The following LYPLAL1 variants were observed in gnomAD, a reference collection of about 807,000 sequenced individuals.
LYPLAL1 encodes lysophospholipase like 1.
LYPLAL1 carries 23 observed loss-of-function variants against 19.7 expected under a neutral mutation model. The ratio of observed to expected loss-of-function variants is 1.17; its 90% CI spans 0.84 to 1.65. The LOEUF is 1.65. Ranked by LOEUF, LYPLAL1 falls within the 40% of genes most tolerant of loss-of-function variation. The probability of loss-of-function intolerance (pLI) is 0.00; values close to 1 mark genes in which losing one functional copy is unlikely to be tolerated. For synonymous variants in LYPLAL1, 119 were observed against 96.3 expected (o/e 1.24, Z -1.38); for missense variants, 355 against 279.4 (o/e 1.27, Z -1.93).
At chr1:219,309,565 A>G in the LYPLAL1 span, among the ~76,000 whole-genome samples, 1 of 152,180 alleles carries the variant, frequency 6.6e-6, no homozygotes, top group Non-Finnish European at 1.5e-5. Flanking sequence ...AATTTGAATC[A>G]TGGAGGAGGT....
the LYPLAL1 span, among the ~76,000 whole-genome samples, chr1:219,375,579 TATGTAGCAA>T: frequency 4.6e-5 from 7 of 151,760 alleles, no homozygotes; most frequent in African/African-American, 1.7e-4. Flanking sequence ...GGTTTTGGTT[TATGTAGCAA>T]ATGTCTCAGA....
chr1:219,257,925 A>G, the LYPLAL1 span, among the ~76,000 whole-genome samples: 1 of 152,000 alleles, frequency 6.6e-6, no homozygotes, highest in Non-Finnish European at 1.5e-5. Context: ...CAGAGTGGCC[A>G]TTTATAGACC....
chr1:219,255,279 G>A, the LYPLAL1 span, among the ~76,000 whole-genome samples: 4 of 151,598 alleles, frequency 2.6e-5, no homozygotes, highest in African/African-American at 9.7e-5. Flanking sequence ...TCTCAATAAT[G>A]TTTTTGATTT....
chr1:219,422,930 T>G, the LYPLAL1 span, among the ~76,000 whole-genome samples: 1 of 152,188 alleles, frequency 6.6e-6, no homozygotes, highest in Non-Finnish European at 1.5e-5. Context: ...GGTTTGTTCT[T>G]AGTCATTATA....
At chr1:219,402,651 A>AG in the LYPLAL1 span, among the ~76,000 whole-genome samples, 1 of 151,920 alleles carries the variant, frequency 6.6e-6, no homozygotes, top group African/African-American at 2.4e-5. Context: ...ACCAAAAAAA[A>AG]AAAAAAAAGC....
the LYPLAL1 span, among the ~76,000 whole-genome samples, chr1:219,260,990 G>A: frequency 2.6e-5 from 4 of 151,758 alleles, no homozygotes; most frequent in African/African-American, 9.7e-5. Context: ...TAATCCTTGG[G>A]TCACAAAGAA....
the LYPLAL1 span, among the ~76,000 whole-genome samples, chr1:219,375,655 T>C: frequency 1.3e-5 from 2 of 151,918 alleles, no homozygotes; most frequent in Non-Finnish European, 2.9e-5. Flanking sequence ...TATCCTAAAA[T>C]TCATGTGGAA....
the LYPLAL1 span, among the ~76,000 whole-genome samples, chr1:219,328,466 T>C: frequency 1.3e-5 from 2 of 152,212 alleles, no homozygotes; most frequent in African/African-American, 4.8e-5. Context: ...ACCATTATCC[T>C]ACACACCAGA....
chr1:219,338,004 G>GACTT, the LYPLAL1 span, among the ~76,000 whole-genome samples: 118 of 152,080 alleles, frequency 7.8e-4, no homozygotes, highest in African/African-American at 2.7e-3. Context: ...TGGCCTCTAA[G>GACTT]AATCTGTTTG....
At chr1:219,289,162 C>T in the LYPLAL1 span, among the ~76,000 whole-genome samples, 104 of 147,490 alleles carry the variant, frequency 7.1e-4, no homozygotes, top group African/African-American at 2.5e-3. Context: ...TTCTAAGGGC[C>T]CAAGGTTAGA....
chr1:219,312,042 G>A, the LYPLAL1 span, among the ~76,000 whole-genome samples: 1 of 152,152 alleles, frequency 6.6e-6, no homozygotes, highest in Non-Finnish European at 1.5e-5. Flanking sequence ...CTGAGCACTT[G>A]CCAAGCTGCT....
At chr1:219,268,330 C>T in the LYPLAL1 span, among the ~76,000 whole-genome samples, 1 of 152,048 alleles carries the variant, frequency 6.6e-6, no homozygotes, top group Non-Finnish European at 1.5e-5. Flanking sequence ...TTAAAGAAGG[C>T]GAGGAATGTG....
At chr1:219,233,771 CA>C in the LYPLAL1 span, among the ~76,000 whole-genome samples, 4 of 146,688 alleles carry the variant, frequency 2.7e-5, no homozygotes, top group African/African-American at 7.5e-5. Flanking sequence ...GACCCTGTCT[CA>C]AAAAAAAAAA....
At chr1:219,198,328 T>C (rs1484887216) in intron 3 of LYPLAL1, among the ~76,000 whole-genome samples, 4 of 152,038 alleles carry the variant, frequency 2.6e-5, no homozygotes, top group African/African-American at 9.7e-5. Flanking sequence ...GAATAGCTTA[T>C]AATATATGCA....
the LYPLAL1 span, among the ~76,000 whole-genome samples, chr1:219,281,183 A>G: frequency 2.2e-4 from 34 of 152,342 alleles, no homozygotes; most frequent in African/African-American, 7.2e-4. Flanking sequence ...TTTGATTCAT[A>G]GAACACTATG....
rs983416345 is a variant in LYPLAL1 at position 219,183,150 on chromosome 1, C to T, written c.191+3904C>T. 3.3e-5 allele frequency among the ~76,000 whole-genome samples: 5 copies of T among 151,834 alleles called. No homozygotes were observed. In the South Asian group the frequency reaches 1.0e-3, roughly 31 times the overall value. ...CAAACCAGTAGATGTGTAATGGTAT[C>T]CTATTGTGATTTTTATTAATATTTC... On this transcript the variant is annotated intron_variant, in intron 2 of 4. Coordinates refer to ENST00000366928, the MANE Select transcript of LYPLAL1 (RefSeq NM_138794.5).
At chr1:219,367,374 G>T in the LYPLAL1 span, among the ~76,000 whole-genome samples, 1 of 152,118 alleles carries the variant, frequency 6.6e-6, no homozygotes, top group Non-Finnish European at 1.5e-5. Context: ...AAACAATTCT[G>T]ATGATTCAGA....
intron 2 of LYPLAL1, among the ~76,000 whole-genome samples, chr1:219,190,574 A>T (rs562769098): frequency 6.8e-4 from 86 of 126,504 alleles, no homozygotes; most frequent in African/African-American, 2.3e-3. Flanking sequence ...AGAAATTTAA[A>T]TTTTTTTTTA....
At chr1:219,429,023 C>A in the LYPLAL1 span, among the ~76,000 whole-genome samples, 2 of 152,260 alleles carry the variant, frequency 1.3e-5, no homozygotes, top group South Asian at 4.1e-4. Context: ...ACCAGATTTG[C>A]TGAGAATTGT....
Sources: allele counts gnomAD v4.1 joint callset (sites outside exome capture counted in the v4.1 genomes callset), GRCh38; gene constraint gnomAD v4.1.1; transcripts MANE v1.5; gene names NCBI Gene and HGNC (gene_info 2026-07-23, HGNC 2026-07-21).